The following CNTN5 variants were observed in gnomAD, a reference collection of about 807,000 sequenced individuals.
CNTN5 encodes the protein contactin 5, also known as contactin-5.
A neutral mutation model predicts 129.1 loss-of-function variants in CNTN5; 77 were observed. The observed-to-expected ratio is 0.60, with a 90% CI of 0.50 to 0.72. The LOEUF is 0.72. Among genes scored for constraint, CNTN5 ranks in the 30% least tolerant of loss-of-function variants. The pLI is 0.00. For missense variants in CNTN5, 1,478 were observed against 1,328.8 expected (o/e 1.11, Z -1.75); for synonymous variants, 509 against 465.6 (o/e 1.09, Z -1.20).
intron 13 of CNTN5, among the ~76,000 whole-genome samples, chr11:100,099,327 C>A (rs1282319071): frequency 6.6e-6 from 1 of 151,908 alleles, no homozygotes; most frequent in Non-Finnish European, 1.5e-5. Flanking sequence ...GTTGGACACC[C>A]TAGGGAAAGG....
At chr11:99,738,947 G>GTGTATT (rs1943802686) in intron 3 of CNTN5, among the ~76,000 whole-genome samples, 2 of 152,174 alleles carry the variant, frequency 1.3e-5, no homozygotes, top group South Asian at 4.1e-4. Flanking sequence ...GTATGTGTAT[G>GTGTATT]TGTATGTATT....
At chr11:99,023,678 A>C (rs1281732565) in intron 1 of CNTN5, among the ~76,000 whole-genome samples, 2 of 152,326 alleles carry the variant, frequency 1.3e-5, no homozygotes, top group South Asian at 4.1e-4. Context: ...CCAGAATTTT[A>C]TGAGGCTCAG....
intron 13 of CNTN5, among the ~76,000 whole-genome samples, chr11:100,121,289 T>A (rs566003325): frequency 1.3e-5 from 2 of 152,222 alleles, no homozygotes; most frequent in African/African-American, 4.8e-5. Flanking sequence ...CCAAGACTAT[T>A]GGATCCATAA....
chr11:99,236,067 CAAT>C (rs1373055257), intron 1 of CNTN5, among the ~76,000 whole-genome samples: 1 of 152,086 alleles, frequency 6.6e-6, no homozygotes, highest in Non-Finnish European at 1.5e-5. Flanking sequence ...AATCTAAAAA[CAAT>C]AATAATCTAA....
intron 1 of CNTN5, among the ~76,000 whole-genome samples, chr11:99,213,830 T>C (rs1859966322): frequency 6.6e-6 from 1 of 152,200 alleles, no homozygotes; most frequent in Non-Finnish European, 1.5e-5. Flanking sequence ...GGCAGAGATC[T>C]ATCTTTTACA....
In CNTN5 at chr11:99,033,966, T is replaced by C. The variant is rs1863550888; in HGVS notation, c.-210+12696T>C. ...CCATCAATACCTAATTTATTGAGAG[T>C]TTTTAGCATGAAGCGTTGTTGAATT... On this transcript the variant is annotated intron_variant, in intron 1 of 24. Transcript: ENST00000524871. Among the ~76,000 whole-genome samples the C allele has an allele frequency of 2.0e-5, 3 of 151,688 alleles. No homozygotes were observed. The South Asian group carries it at 6.3e-4, about 32-fold the overall frequency.
intron 3 of CNTN5, among the ~76,000 whole-genome samples, chr11:99,691,897 C>T (rs891250292): frequency 1.3e-5 from 2 of 152,088 alleles, no homozygotes; most frequent in Non-Finnish European, 2.9e-5. Flanking sequence ...TTGAAGGTCT[C>T]TAATAATTTG....
At chr11:99,154,776 C>A (rs1185479041) in intron 1 of CNTN5, among the ~76,000 whole-genome samples, 1 of 152,042 alleles carries the variant, frequency 6.6e-6, no homozygotes, top group Admixed American at 6.6e-5. Context: ...CAAGGTGGGG[C>A]CTTGGGAGAG....
intron 15 of CNTN5, among the ~76,000 whole-genome samples, chr11:100,204,296 TAATATATA>T (rs1367300122): frequency 1.3e-4 from 2 of 15,294 alleles, no homozygotes; most frequent in African/African-American, 3.0e-4. Context: ...AAACATTGAC[TAATATATA>T]TATATATATA....
chr11:99,585,103 AGT>A (rs1472515637), intron 3 of CNTN5, among the ~76,000 whole-genome samples: 1 of 152,256 alleles, frequency 6.6e-6, no homozygotes, highest in Non-Finnish European at 1.5e-5. Context: ...CCAAACACAC[AGT>A]GTTACAAAAT....
chr11:99,781,309 A>T (rs1214138340), intron 3 of CNTN5, among the ~76,000 whole-genome samples: 1 of 152,062 alleles, frequency 6.6e-6, no homozygotes, highest in Non-Finnish European at 1.5e-5. Context: ...GGAGTAACAG[A>T]TGGCACTTAT....
intron 21 of CNTN5, among the ~76,000 whole-genome samples, chr11:100,318,242 GAAAAAAAA>G (rs66824133): frequency 6.5e-5 from 5 of 76,752 alleles, no homozygotes; most frequent in African/African-American, 2.1e-4. Flanking sequence ...CTCTGTCTCA[GAAAAAAAA>G]AAAAAAAAAA....
chr11:99,450,768 G>GTTTTTTTTTTTTTTTTTTTT (rs34146715), intron 2 of CNTN5, among the ~76,000 whole-genome samples: 1 of 105,004 alleles, frequency 9.5e-6, no homozygotes, highest in African/African-American at 3.6e-5. Context: ...ATTGAAGCAA[G>GTTTTTTTTTTTTTTTTTTTT]TTTTTTTTTT....
intron 16 of CNTN5, among the ~76,000 whole-genome samples, chr11:100,235,159 G>C (rs1403273495): frequency 6.6e-6 from 1 of 152,168 alleles, no homozygotes; most frequent in Non-Finnish European, 1.5e-5. Context: ...TCATTTGTTT[G>C]AATTGTTTGG....
chr11:100,237,565 C>T (rs550234937), intron 16 of CNTN5, among the ~76,000 whole-genome samples: 1 of 152,102 alleles, frequency 6.6e-6, no homozygotes, highest in Non-Finnish European at 1.5e-5. Context: ...GTAATGTCTC[C>T]GTTTCACTAA....
intron 2 of CNTN5, among the ~76,000 whole-genome samples, chr11:99,532,568 A>T (rs1383471175): frequency 6.6e-6 from 1 of 152,096 alleles, no homozygotes; most frequent in Non-Finnish European, 1.5e-5. Flanking sequence ...ATCTCCCCAG[A>T]ATACTCACAT....
chr11:99,770,106 T>G (rs953360172), intron 3 of CNTN5, among the ~76,000 whole-genome samples: 1 of 152,208 alleles, frequency 6.6e-6, no homozygotes, highest in Admixed American at 6.5e-5. Flanking sequence ...GTCAGCTAAA[T>G]CTTTTTAAAA....
intron 2 of CNTN5, among the ~76,000 whole-genome samples, chr11:99,389,207 T>G (rs981869342): frequency 1.3e-5 from 2 of 151,798 alleles, no homozygotes. Flanking sequence ...TTTTGTATTT[T>G]TAGTAGAGAC....
chr11:99,166,528 T>C (rs1860880142), intron 1 of CNTN5, among the ~76,000 whole-genome samples: 1 of 152,058 alleles, frequency 6.6e-6, no homozygotes, highest in Non-Finnish European at 1.5e-5. Flanking sequence ...AAAAAAATTG[T>C]GTACTAAATG....
Sources: gnomAD v4.1 joint callset for allele counts (sites outside exome capture counted in the v4.1 genomes callset) on GRCh38, gnomAD v4.1.1 for gene constraint, MANE v1.5 for transcripts, NCBI Gene and HGNC (gene_info 2026-07-23, HGNC 2026-07-21) for gene names.